Variants in USP14 observed in about 807,000 individuals in gnomAD.
USP14 encodes ubiquitin specific peptidase 14, also known as ubiquitin carboxyl-terminal hydrolase 14.
A neutral mutation model predicts 76.5 loss-of-function variants in USP14; 38 were observed. The observed-to-expected ratio is 0.50, with a 90% CI of 0.38 to 0.65. The LOEUF (loss-of-function observed/expected upper bound fraction) is 0.65. USP14 is among the 30% of genes least tolerant of loss of function. The pLI, the probability that USP14 is intolerant of heterozygous loss-of-function variation, is 0.00. For missense variants in USP14, 467 were observed against 586.5 expected, an observed-to-expected ratio of 0.80 and a Z score of 2.10; for synonymous variants, 192 against 191.7, an observed-to-expected ratio of 1.00 and a Z score of -0.01.
intron 13 of USP14, among the ~76,000 whole-genome samples, chr18:207,458 T>A (rs1223287604): frequency 1.4e-5 from 2 of 144,564 alleles, no homozygotes; most frequent in South Asian, 2.3e-4. Flanking sequence ...GTGGGCAGAT[T>A]GCTTGAGTCC....
Position 179,034 on chromosome 18 carries a change from T to G in USP14, c.297T>G (p.Ser99=). ...VEDMTEEQLA[S]AMELPCGLTN... ...ACATGACAGAAGAACAGTTAGCATC[T>G]GCTGTAAGACACACCAGATTTTATG... The change falls in exon 4 of 16, where the codon TCT becomes TCG. Residue 99 remains serine, a synonymous_variant. Transcript: ENST00000261601. The G allele has an allele frequency of 2.5e-6, 4 of 1,605,220 alleles. No individual in the cohort carries two copies. Among genetic ancestry groups the G allele is most frequent in the Non-Finnish European group, 2.5e-6 (3 of 1,176,826 alleles).
At chr18:159,120 T>G in intron 1 of USP14, 1 of 179,312 alleles carries the variant, frequency 5.6e-6, no homozygotes, top group East Asian at 1.4e-4. Flanking sequence ...AGGGGAGGGA[T>G]GGAGCGACCC....
In USP14 at chr18:204,683, G is replaced by A; in HGVS notation, c.1155G>A (p.Gln385=). 1 of 1,611,914 alleles carries A rather than the reference G, an allele frequency of 6.2e-7. No individual in the cohort carries two copies. Among genetic ancestry groups the A allele is most frequent in the Non-Finnish European group, 8.5e-7 (1 of 1,179,484 alleles). Residue 385 remains glutamine (Q), a synonymous_variant, in exon 13 of 16, where the codon CAG becomes CAA. Coordinates refer to ENST00000261601, the MANE Select transcript of USP14 (RefSeq NM_005151.4). ...KDLEDKKVNQ[Q]PNTSDKKSSP... is the part of the protein sequence containing the mutation. ...TAGAAGATAAAAAAGTGAATCAGCA[G>A]CCAAATACAGTAGGTTCTTACTGCT...
intron 8 of USP14, 147 bp from the exon 9 acceptor site, chr18:197,900 T>C (rs1910282010): frequency 1.3e-6 from 1 of 759,296 alleles, no homozygotes; most frequent in Non-Finnish European, 2.0e-6. Flanking sequence ...ACTTAATTCA[T>C]TGTTGATTTT....
rs1172750540 is a variant in USP14 at position 213,188 on chromosome 18, A to G, written c.*1904A>G. 6.6e-6 allele frequency: 1 copy of G among 152,194 alleles called. No homozygotes were observed. Among genetic ancestry groups the G allele is most frequent in the Non-Finnish European group, 1.5e-5 (1 of 68,044 alleles). The allele number at this position is 152,194 out of a possible 1,614,324, so 9.4% of individuals were successfully genotyped here. ...ATTCATTGTCTCATTTGGTCAGAAC[A>G]ATTTTATTGAGGACATGAATTTAAC... is the stretch of plus-strand genomic sequence containing the variant. On this transcript the variant is annotated 3_prime_UTR_variant, in exon 16 of 16. Coordinates refer to ENST00000261601, the MANE Select transcript of USP14 (RefSeq NM_005151.4).
At chr18:167,392 T>A (rs1909303121) in intron 3 of USP14, among the ~76,000 whole-genome samples, 1 of 152,254 alleles carries the variant, frequency 6.6e-6, no homozygotes, top group African/African-American at 2.4e-5. Context: ...TTGGGGAGAA[T>A]AAACATCTTA....
At chr18:194,429 C>G (rs1910174993) in intron 6 of USP14, among the ~76,000 whole-genome samples, 1 of 152,056 alleles carries the variant, frequency 6.6e-6, no homozygotes, top group South Asian at 2.1e-4. Flanking sequence ...GATTTTTTAA[C>G]TTTTTGTTTT....
chr18:166,715 A>G, intron 2 of USP14, 72 bp from the exon 3 acceptor site: 8 of 917,254 alleles, frequency 8.7e-6, no homozygotes, highest in Non-Finnish European at 1.3e-5. Flanking sequence ...GTACATTAAA[A>G]TAAATTGATT....
chr18:179,238 G>C (rs1368741670), intron 4 of USP14, among the ~76,000 whole-genome samples: 1 of 151,936 alleles, frequency 6.6e-6, no homozygotes, highest in Admixed American at 6.6e-5. Flanking sequence ...GCACAGCTAG[G>C]GGTTTTTTTT....
At chr18:185,064 T>C (rs1218836107) in intron 5 of USP14, among the ~76,000 whole-genome samples, 1 of 152,240 alleles carries the variant, frequency 6.6e-6, no homozygotes, top group Non-Finnish European at 1.5e-5. Flanking sequence ...CATGGCCGTA[T>C]CTGTTGTATT....
rs531570290 is a variant in USP14 at position 168,843 on chromosome 18, C to T, written c.195+2024C>T. Among the ~76,000 whole-genome samples the T allele has an allele frequency of 4.7e-3, 696 of 147,302 alleles. 7 individuals are homozygous for T. Among genetic ancestry groups the T allele is most frequent in the Non-Finnish European group, 7.8e-3 (518 of 66,838 alleles). ...ATCCCAGCACTTTGGGAGGCCGAGG[C>T]GGGTGGATCACGAAGTCGGAGATCG... On this transcript the variant is annotated intron_variant, in intron 3 of 15. Coordinates refer to ENST00000261601, the MANE Select transcript of USP14 (RefSeq NM_005151.4).
At chr18:187,617 A>G (rs1161919669) in intron 5 of USP14, among the ~76,000 whole-genome samples, 1 of 152,020 alleles carries the variant, frequency 6.6e-6, no homozygotes, top group Non-Finnish European at 1.5e-5. Context: ...GATTTTTTTC[A>G]CGTGTTTTAT....
At chr18:183,264 G>T (rs572411669) in intron 5 of USP14, among the ~76,000 whole-genome samples, 74 of 151,282 alleles carry the variant, frequency 4.9e-4, no homozygotes, top group Non-Finnish European at 7.8e-4. Flanking sequence ...CTGATGAGAG[G>T]TCTGATATCA....
At position 158,557 on chromosome 18, in the gene USP14, G is replaced by C. The variant is rs1008679596; in HGVS notation, c.-142G>C. 6 of 809,182 alleles carry C rather than the reference G, an allele frequency of 7.4e-6. No individual in the cohort carries two copies. In the African/African-American group the frequency reaches 1.1e-4, roughly 15 times the overall value. 50.1% of individuals were successfully genotyped at this position (809,182 alleles called of 1,614,324 possible). A position where few individuals can be genotyped will look rare whatever the true frequency, so the allele number is the denominator to read the frequency against. On this transcript the variant is annotated 5_prime_UTR_variant, in exon 1 of 16. Coordinates refer to ENST00000261601, the MANE Select transcript of USP14 (RefSeq NM_005151.4). ...CTGCGTCATCGCCAGTGGCCGGTTTGAATGAGACTCGTCGCACCGAAGCCG... is the reference window on the plus strand; with the variant it reads ...CTGCGTCATCGCCAGTGGCCGGTTTCAATGAGACTCGTCGCACCGAAGCCG...
rs764177201 is a variant in USP14, at chr18:158,653, G to C, written c.-46G>C. 3.3e-6 allele frequency: 5 copies of C among 1,516,678 alleles called. No individual in the cohort carries two copies. The highest frequency in any genetic ancestry group is 8.8e-7 in the Non-Finnish European group (1 of 1,138,868). 94.0% of individuals were successfully genotyped at this position (1,516,678 alleles called of 1,614,324 possible). A position where few individuals can be genotyped will look rare whatever the true frequency, so the allele number is the denominator to read the frequency against. On this transcript the variant is annotated 5_prime_UTR_variant, in exon 1 of 16. Coordinates refer to ENST00000261601, the MANE Select transcript of USP14 (RefSeq NM_005151.4). ...TGGTCCCCGTCCCTTTGCCGCCCTC[G>C]TCAGGCCCAGCTCTCCTGCGCCGCC...
rs538975168 is a variant in USP14, at chr18:214,383, C to CTACT, written c.*3102_*3105dup. 2.4e-6 allele frequency: 1 copy of CTACT among 412,288 alleles called. No individual in the cohort carries two copies. Among genetic ancestry groups the CTACT allele is most frequent in the Non-Finnish European group, 4.3e-6 (1 of 231,328 alleles). The allele number at this position is 412,288 out of a possible 1,614,324, so 25.5% of individuals were successfully genotyped here. On this transcript the variant is annotated 3_prime_UTR_variant, in exon 16 of 16. Coordinates refer to ENST00000261601, the MANE Select transcript of USP14 (RefSeq NM_005151.4). ...TTATTTAACTTCATTATAAATACAT[C>CTACT]TACTTAACAAAAAAATATATTTTGT...
chr18:204,752 A>G, intron 13 of USP14, 60 bp downstream of exon 13: 1 of 1,566,492 alleles, frequency 6.4e-7, no homozygotes, highest in Non-Finnish European at 8.6e-7. Context: ...AGTGCTCAGC[A>G]ATTACTCTGT....
At position 172,385 on chromosome 18, in the gene USP14, A is replaced by AT. The variant is rs543376479; in HGVS notation, c.195+5566_195+5567insT. Among the ~76,000 whole-genome samples, 461 of 152,332 alleles carry AT rather than the reference A, an allele frequency of 3.0e-3. 1 individual carries two copies. Among genetic ancestry groups the AT allele is most frequent in the African/African-American group, 0.01 (436 of 41,574 alleles). On this transcript the variant is annotated intron_variant, in intron 3 of 15. Coordinates refer to ENST00000261601, the MANE Select transcript of USP14 (RefSeq NM_005151.4). Reference sequence around the variant, plus strand: ...AGATAGACTCTACTCCTAGTGAAGAAGCTGTGAATGTTGTTGAAATGACAA... The same window carrying AT: ...AGATAGACTCTACTCCTAGTGAAGAATGCTGTGAATGTTGTTGAAATGACAA...
chr18:161,202 A>G (rs1039459341), intron 1 of USP14, among the ~76,000 whole-genome samples: 1 of 152,002 alleles, frequency 6.6e-6, no homozygotes, highest in Non-Finnish European at 1.5e-5. Flanking sequence ...TGCTGGGATT[A>G]CAGGCATGAG....
Sources: gnomAD v4.1 joint callset for allele counts (sites outside exome capture counted in the v4.1 genomes callset) on GRCh38, gnomAD v4.1.1 for gene constraint, MANE v1.5 for transcripts, NCBI Gene and HGNC (gene_info 2026-07-23, HGNC 2026-07-21) for gene names.